The following PTPRD variants were observed in gnomAD, a reference collection of about 807,000 sequenced individuals.
The protein encoded by PTPRD is protein tyrosine phosphatase receptor type D.
Under a neutral mutation model 214.5 loss-of-function variants are expected in PTPRD, and 34 were observed. That is an observed-to-expected ratio of 0.16 (90% CI 0.12 to 0.21). The LOEUF is 0.21. Ranked by LOEUF, PTPRD falls within the 10% of genes least tolerant of loss-of-function variation. The pLI, the probability that PTPRD is intolerant of heterozygous loss-of-function variation, is 1.00. For synonymous variants in PTPRD, 1,128 were observed against 845.7 expected, an observed-to-expected ratio of 1.33 and a Z score of -5.79; for missense variants, 2,545 against 2,398.7, an observed-to-expected ratio of 1.06 and a Z score of -1.27.
At chr9:10,499,177 C>T (rs905771669) in intron 2 of PTPRD, among the ~76,000 whole-genome samples, 3 of 151,914 alleles carry the variant, frequency 2.0e-5, no homozygotes, top group Non-Finnish European at 4.4e-5. Flanking sequence ...GTCTGCCCAG[C>T]TACCACTAGA....
intron 14 of PTPRD, among the ~76,000 whole-genome samples, chr9:8,578,289 G>A (rs1436639961): frequency 6.6e-6 from 1 of 152,114 alleles, no homozygotes; most frequent in Non-Finnish European, 1.5e-5. Flanking sequence ...GCTACTAAGA[G>A]TCAAGGGCCA....
intron 7 of PTPRD, among the ~76,000 whole-genome samples, chr9:9,662,921 A>T (rs558090880): frequency 1.1e-4 from 16 of 151,676 alleles, no homozygotes; most frequent in Admixed American, 9.9e-4. Context: ...TGCAGTTCTT[A>T]ACAATTTATG....
At chr9:9,454,472 G>A (rs781443881) in intron 8 of PTPRD, among the ~76,000 whole-genome samples, 1 of 151,654 alleles carries the variant, frequency 6.6e-6, no homozygotes, top group Non-Finnish European at 1.5e-5. Context: ...ATGGTTTGAA[G>A]AACACTTCAC....
intron 5 of PTPRD, among the ~76,000 whole-genome samples, chr9:9,896,892 G>C (rs1406957057): frequency 2.0e-5 from 3 of 151,998 alleles, no homozygotes; most frequent in Non-Finnish European, 4.4e-5. Flanking sequence ...TCCACTAAGT[G>C]ACAATAATAA....
At chr9:9,180,059 G>T (rs560677479) in intron 10 of PTPRD, among the ~76,000 whole-genome samples, 1 of 152,024 alleles carries the variant, frequency 6.6e-6, no homozygotes, top group Non-Finnish European at 1.5e-5. Context: ...CATAAGTACC[G>T]ATTGCGCCAC....
At chr9:9,804,404 T>C (rs978664042) in intron 5 of PTPRD, among the ~76,000 whole-genome samples, 2 of 152,116 alleles carry the variant, frequency 1.3e-5, no homozygotes, top group Non-Finnish European at 2.9e-5. Flanking sequence ...AAAGTTTAAA[T>C]GGGTAAATTG....
intron 5 of PTPRD, among the ~76,000 whole-genome samples, chr9:9,811,480 G>A (rs762501758): frequency 5.3e-5 from 8 of 152,112 alleles, no homozygotes; most frequent in Non-Finnish European, 1.0e-4. Context: ...GGCCGAGGTG[G>A]GCGGATCATG....
At chr9:9,588,936 A>T (rs2071782236) in intron 7 of PTPRD, among the ~76,000 whole-genome samples, 1 of 151,938 alleles carries the variant, frequency 6.6e-6, no homozygotes, top group African/African-American at 2.4e-5. Context: ...GAACATTTTA[A>T]TATTAGAACT....
At chr9:8,590,529 A>AT (rs1285087698) in intron 14 of PTPRD, among the ~76,000 whole-genome samples, 2 of 152,108 alleles carry the variant, frequency 1.3e-5, no homozygotes, top group Non-Finnish European at 2.9e-5. Flanking sequence ...CCTAGAGATT[A>AT]TATTTTTACA....
intron 31 of PTPRD, 139 bp downstream of exon 31, chr9:8,470,856 T>C (rs2096639443): frequency 2.9e-6 from 2 of 697,396 alleles, no homozygotes; most frequent in Non-Finnish European, 5.1e-6. Context: ...AGCATGCCCA[T>C]AGCACTGAAC....
At chr9:10,490,338 A>G (rs1479305373) in intron 2 of PTPRD, among the ~76,000 whole-genome samples, 1 of 152,198 alleles carries the variant, frequency 6.6e-6, no homozygotes, top group East Asian at 1.9e-4. Flanking sequence ...ATATATATTT[A>G]CCAACAATAA....
chr9:9,226,685 G>C (rs2099959689), intron 9 of PTPRD, among the ~76,000 whole-genome samples: 3 of 152,010 alleles, frequency 2.0e-5, no homozygotes, highest in African/African-American at 7.2e-5. Context: ...CTTATCTTAG[G>C]AGATAAGTAC....
chr9:9,863,748 A>C (rs185363758), intron 5 of PTPRD, among the ~76,000 whole-genome samples: 1 of 152,216 alleles, frequency 6.6e-6, no homozygotes, highest in East Asian at 1.9e-4. Flanking sequence ...CCTAGCTACT[A>C]TAAACAAACT....
At chr9:9,258,609 T>C (rs900129272) in intron 9 of PTPRD, among the ~76,000 whole-genome samples, 1 of 151,916 alleles carries the variant, frequency 6.6e-6, no homozygotes, top group Non-Finnish European at 1.5e-5. Context: ...GGTCATTAAG[T>C]ATAATTTGGG....
intron 9 of PTPRD, among the ~76,000 whole-genome samples, chr9:9,336,172 G>T (rs773331149): frequency 2.0e-5 from 3 of 152,060 alleles, no homozygotes; most frequent in Non-Finnish European, 4.4e-5. Context: ...ACAAAGATAG[G>T]CTCTTTGATG....
intron 3 of PTPRD, among the ~76,000 whole-genome samples, chr9:10,078,676 C>T (rs1191850026): frequency 6.6e-6 from 1 of 152,044 alleles, no homozygotes; most frequent in Admixed American, 6.6e-5. Context: ...TTACCAACTT[C>T]ATAAAATAAC....
chr9:9,219,299 T>G (rs1294512431), intron 9 of PTPRD, among the ~76,000 whole-genome samples: 2 of 152,138 alleles, frequency 1.3e-5, no homozygotes, highest in African/African-American at 4.8e-5. Flanking sequence ...TGATTTTGTT[T>G]TCAGAGACTA....
chr9:9,432,442 G>C (rs2083565262), intron 8 of PTPRD, among the ~76,000 whole-genome samples: 1 of 152,138 alleles, frequency 6.6e-6, no homozygotes, highest in Non-Finnish European at 1.5e-5. Flanking sequence ...ATAGACACCT[G>C]GGTGGATGTA....
chr9:10,479,298 G>T (rs960587245), intron 2 of PTPRD, among the ~76,000 whole-genome samples: 3 of 152,050 alleles, frequency 2.0e-5, no homozygotes, highest in African/African-American at 7.2e-5. Context: ...CATGTGCAGA[G>T]CATTAGCCAA....
Sources: allele counts gnomAD v4.1 joint callset (sites outside exome capture counted in the v4.1 genomes callset), GRCh38; gene constraint gnomAD v4.1.1; transcripts MANE v1.5; gene names NCBI Gene and HGNC (gene_info 2026-07-23, HGNC 2026-07-21).